AP3B1: variants seen among roughly 807,000 people sequenced by gnomAD.
AP3B1 encodes the protein AP-3 complex subunit beta-1.
AP3B1 carries 61 observed loss-of-function variants against 132.5 expected under a neutral mutation model. The ratio of observed to expected loss-of-function variants is 0.46; its 90% CI spans 0.37 to 0.57. The LOEUF is 0.57. Among genes scored for constraint, AP3B1 ranks in the 20% least tolerant of loss-of-function variants. AP3B1 has a pLI of 0.00. For missense variants in AP3B1, 1,120 were observed against 1,289.4 expected (o/e 0.87, Z 2.01); for synonymous variants, 388 against 438.3 (o/e 0.89, Z 1.43).
chr5:78,162,637 A>C (rs1743433878), intron 13 of AP3B1, among the ~76,000 whole-genome samples, 182 bp downstream of exon 13: 2 of 152,202 alleles, frequency 1.3e-5, no homozygotes, highest in African/African-American at 4.8e-5. Context: ...TACTAAAAAA[A>C]AAAGAACCCA....
intron 2 of AP3B1, among the ~76,000 whole-genome samples, chr5:78,255,767 T>G (rs1208502803): frequency 1.3e-5 from 2 of 152,104 alleles, no homozygotes; most frequent in Admixed American, 1.3e-4. Flanking sequence ...ACAGAACCTT[T>G]TATCCAAGAG....
chr5:78,183,453 T>A (rs964364613), intron 7 of AP3B1, among the ~76,000 whole-genome samples: 1 of 152,076 alleles, frequency 6.6e-6, no homozygotes, highest in Non-Finnish European at 1.5e-5. Flanking sequence ...CAGATGCCAA[T>A]ACCAAGATAA....
At chr5:78,226,155 G>T (rs1188068454) in intron 5 of AP3B1, among the ~76,000 whole-genome samples, 1 of 152,040 alleles carries the variant, frequency 6.6e-6, no homozygotes, top group Non-Finnish European at 1.5e-5. Context: ...CTCAAGGCAA[G>T]GAGAGGCAAG....
chr5:78,158,580 A>G (rs1457127287), intron 13 of AP3B1, among the ~76,000 whole-genome samples: 1 of 152,182 alleles, frequency 6.6e-6, no homozygotes, highest in Non-Finnish European at 1.5e-5. Context: ...TATTATTATT[A>G]TTTTAAAGAT....
chr5:78,010,547 C>T (rs987241869), intron 26 of AP3B1, among the ~76,000 whole-genome samples: 1 of 152,176 alleles, frequency 6.6e-6, no homozygotes, highest in Non-Finnish European at 1.5e-5. Context: ...GTGCTGTTAT[C>T]AGAGGACATG....
At chr5:78,252,201 G>A (rs1747666438) in intron 2 of AP3B1, among the ~76,000 whole-genome samples, 1 of 152,142 alleles carries the variant, frequency 6.6e-6, no homozygotes, top group Non-Finnish European at 1.5e-5. Context: ...GTACTACATT[G>A]AGGGCCTTGG....
rs1197853651 is a variant in AP3B1, at chr5:78,294,658, A to G, written c.-79T>C. ...GGTTCCAGTCCAGAGGGCACGGAAC[A>G]AAACTAGTTCTCGTACGGAGGAGCG... On this transcript the variant is annotated 5_prime_UTR_variant, in exon 1 of 27. Transcript: ENST00000255194. 10 of 1,605,134 alleles carry G rather than the reference A, an allele frequency of 6.2e-6. No individual in the cohort carries two copies. The highest frequency in any genetic ancestry group is 8.5e-6 in the Non-Finnish European group (10 of 1,176,924).
intron 2 of AP3B1, among the ~76,000 whole-genome samples, chr5:78,252,413 G>A (rs1340756652): frequency 1.3e-5 from 2 of 152,180 alleles, no homozygotes; most frequent in South Asian, 4.1e-4. Flanking sequence ...TTGGCTCTTG[G>A]ACAGCATTTC....
intron 21 of AP3B1, among the ~76,000 whole-genome samples, chr5:78,092,118 T>C (rs1176651016): frequency 6.6e-6 from 1 of 152,246 alleles, no homozygotes; most frequent in Non-Finnish European, 1.5e-5. Flanking sequence ...CATTCCTTTG[T>C]ACATCTATCT....
intron 23 of AP3B1, among the ~76,000 whole-genome samples, chr5:78,036,138 T>C (rs1381175610): frequency 2.0e-5 from 3 of 152,152 alleles, no homozygotes; most frequent in Non-Finnish European, 4.4e-5. Flanking sequence ...TCTTTGACAC[T>C]GTTTGATACT....
chr5:78,181,282 C>T (rs1053234529), intron 8 of AP3B1, among the ~76,000 whole-genome samples: 5 of 152,078 alleles, frequency 3.3e-5, no homozygotes, highest in African/African-American at 1.2e-4. Flanking sequence ...TACCTGGAAA[C>T]ATGGAAGGCT....
At chr5:78,033,418 A>G (rs1205216188) in intron 24 of AP3B1, among the ~76,000 whole-genome samples, 2 of 152,080 alleles carry the variant, frequency 1.3e-5, no homozygotes, top group Middle Eastern at 3.2e-3. Context: ...AATAAAAGGT[A>G]TAACATTAGG....
intron 17 of AP3B1, 75 bp downstream of exon 17, chr5:78,127,955 C>T (rs1417025864): frequency 6.4e-7 from 1 of 1,558,710 alleles, no homozygotes; most frequent in Non-Finnish European, 8.8e-7. Context: ...TCCAAAAAAG[C>T]TTTTATATAA....
At chr5:78,290,665 G>A (rs956209096) in intron 1 of AP3B1, among the ~76,000 whole-genome samples, 1 of 152,102 alleles carries the variant, frequency 6.6e-6, no homozygotes, top group African/African-American at 2.4e-5. Flanking sequence ...AAAGAAGGAA[G>A]GGGCCAAGCA....
chr5:78,158,236 T>G (rs1296150362), intron 13 of AP3B1, among the ~76,000 whole-genome samples: 1 of 152,074 alleles, frequency 6.6e-6, no homozygotes, highest in Admixed American at 6.5e-5. Context: ...GGCAGGAGGA[T>G]GGCTTGATCC....
rs1415795268 is a variant in AP3B1, at chr5:78,291,638, AAAT to A, written c.128+2811_128+2813del. 2.6e-5 allele frequency among the ~76,000 whole-genome samples: 4 copies of A among 152,132 alleles called. No individual in the cohort carries two copies. In the East Asian group the frequency reaches 5.8e-4, roughly 22 times the overall value. ...CCCAAAAACTGATTAACATAAAATA[AAAT>A]AATAGGCTTTGCAATCCTTAGATAT... On this transcript the variant is annotated intron_variant, in intron 1 of 26. Transcript: ENST00000255194.
At chr5:78,206,643 A>G (rs144506950) in intron 7 of AP3B1, among the ~76,000 whole-genome samples, 6 of 152,326 alleles carry the variant, frequency 3.9e-5, no homozygotes, top group East Asian at 1.9e-4. Flanking sequence ...AAGTTCAAAG[A>G]TAAGATGATA....
At chr5:78,081,475 T>C (rs1298872710) in intron 22 of AP3B1, among the ~76,000 whole-genome samples, 3 of 151,684 alleles carry the variant, frequency 2.0e-5, no homozygotes, top group African/African-American at 7.3e-5. Flanking sequence ...GCCCGGCTAA[T>C]TTTTTTTGTA....
At chr5:78,085,035 T>C (rs1750179434) in intron 22 of AP3B1, among the ~76,000 whole-genome samples, 1 of 150,400 alleles carries the variant, frequency 6.6e-6, no homozygotes, top group Non-Finnish European at 1.5e-5. Context: ...TGAACAACCA[T>C]GCACATAAAT....
Sources: gnomAD v4.1 joint callset for allele counts (sites outside exome capture counted in the v4.1 genomes callset) on GRCh38, gnomAD v4.1.1 for gene constraint, MANE v1.5 for transcripts, NCBI Gene and HGNC (gene_info 2026-07-23, HGNC 2026-07-21) for gene names.